The following GRIA1 variants were observed in gnomAD, a reference collection of about 807,000 sequenced individuals.
GRIA1 encodes the protein glutamate receptor 1.
A neutral mutation model predicts 99.2 loss-of-function variants in GRIA1; 31 were observed. The ratio of observed to expected loss-of-function variants is 0.31; its 90% CI spans 0.23 to 0.42. The LOEUF is 0.42. GRIA1 is among the 10% of genes least tolerant of loss of function. The pLI is 1.00. For missense variants in GRIA1, 782 were observed against 1,157.5 expected (o/e 0.68, Z 4.71); for synonymous variants, 438 against 432.4 (o/e 1.01, Z -0.16).
rs186869159 is a variant in GRIA1 at position 153,730,142 on chromosome 5, G to A, written c.1823+24075G>A. Among the ~76,000 whole-genome samples the A allele has an allele frequency of 2.1e-3, 315 of 152,126 alleles. 1 individual carries two copies. The highest frequency in any genetic ancestry group is 3.7e-3 in the Non-Finnish European group (251 of 67,986). ...ATTTATTGTGTATTTAAATTACCTAGGGATCTTGTTAAAATGCAGATTCTA... is the reference window on the plus strand; with the variant it reads ...ATTTATTGTGTATTTAAATTACCTAAGGATCTTGTTAAAATGCAGATTCTA... On this transcript the variant is annotated intron_variant, in intron 11 of 15. Coordinates refer to ENST00000285900, the MANE Select transcript of GRIA1 (RefSeq NM_000827.4).
At chr5:153,648,342 G>A (rs1397609779) in intron 3 of GRIA1, among the ~76,000 whole-genome samples, 1 of 152,124 alleles carries the variant, frequency 6.6e-6, no homozygotes, top group Admixed American at 6.5e-5. Context: ...GTAGCTGGAG[G>A]CCTGGAAGTA....
chr5:153,679,213 G>A (rs891994609), intron 7 of GRIA1, among the ~76,000 whole-genome samples: 17 of 152,282 alleles, frequency 1.1e-4, no homozygotes, highest in Admixed American at 9.2e-4. Flanking sequence ...AAGAAAGCAA[G>A]GCCTGCGCTC....
At chr5:153,587,782 A>C (rs1307215005) in intron 2 of GRIA1, among the ~76,000 whole-genome samples, 1 of 152,236 alleles carries the variant, frequency 6.6e-6, no homozygotes, top group East Asian at 1.9e-4. Context: ...CCAAAAGCAG[A>C]CATGACTCCT....
At chr5:153,768,557 C>T (rs1362656894) in intron 12 of GRIA1, among the ~76,000 whole-genome samples, 1 of 152,106 alleles carries the variant, frequency 6.6e-6, no homozygotes, top group African/African-American at 2.4e-5. Context: ...GTTTTAATAG[C>T]AACTATTTCC....
intron 2 of GRIA1, among the ~76,000 whole-genome samples, chr5:153,542,479 G>C (rs1210606010): frequency 6.6e-6 from 1 of 152,198 alleles, no homozygotes; most frequent in Non-Finnish European, 1.5e-5. Flanking sequence ...CATGAGAATG[G>C]CTTGACAGCA....
At chr5:153,583,130 G>A (rs572985655) in intron 2 of GRIA1, among the ~76,000 whole-genome samples, 1 of 151,714 alleles carries the variant, frequency 6.6e-6, no homozygotes, top group South Asian at 2.1e-4. Flanking sequence ...ATGGGGCTTC[G>A]CCATGTTGCC....
rs528967394 is a variant in GRIA1 at position 153,545,422 on chromosome 5, G to A, written c.220+51357G>A. On this transcript the variant is annotated intron_variant, in intron 2 of 15. Transcript: ENST00000285900. The stretch of plus-strand genomic sequence containing the variant: ...TCTTCAGGGACTGGGGGGAAGTTTG[G>A]GTATCTTTAAGATGGCATGGCAGTC... 3.3e-5 allele frequency among the ~76,000 whole-genome samples: 5 copies of A among 152,170 alleles called. No individual in the cohort carries two copies. The South Asian group carries it at 1.0e-3, about 32-fold the overall frequency.
intron 13 of GRIA1, among the ~76,000 whole-genome samples, chr5:153,778,587 G>A (rs1764424444): frequency 6.6e-6 from 1 of 151,568 alleles, no homozygotes; most frequent in Non-Finnish European, 1.5e-5. Context: ...AAGATGTAAG[G>A]AGGGAAATTA....
At position 153,754,956 on chromosome 5, in the gene GRIA1, C is replaced by T. The variant is rs540160984; in HGVS notation, c.1824-9478C>T. Among the ~76,000 whole-genome samples the T allele has an allele frequency of 2.8e-4, 43 of 152,154 alleles. 1 individual carries two copies. Among genetic ancestry groups the T allele is most frequent in the African/African-American group, 8.0e-4 (33 of 41,494 alleles). On this transcript the variant is annotated intron_variant, in intron 11 of 15. Coordinates refer to ENST00000285900, the MANE Select transcript of GRIA1 (RefSeq NM_000827.4). ...GAGCTACATGAGGCTCTGAGTCTTA[C>T]GGCTGAATACTAAAAATGTAATGAT...
At chr5:153,667,303 C>G (rs1041635802) in intron 5 of GRIA1, among the ~76,000 whole-genome samples, 4 of 152,200 alleles carry the variant, frequency 2.6e-5, no homozygotes, top group African/African-American at 9.6e-5. Context: ...GTGGTGTCAG[C>G]ACAGGCAGGA....
intron 14 of GRIA1, among the ~76,000 whole-genome samples, chr5:153,801,371 G>A (rs1426200956): frequency 6.8e-6 from 1 of 147,640 alleles, no homozygotes; most frequent in African/African-American, 2.6e-5. Context: ...CACTTGGGAA[G>A]GTGTTGTCCC....
intron 2 of GRIA1, among the ~76,000 whole-genome samples, chr5:153,548,407 C>T (rs187426653): frequency 2.5e-4 from 38 of 152,228 alleles, no homozygotes; most frequent in East Asian, 9.7e-4. Flanking sequence ...GTCTGCAAGG[C>T]GAATGGTGTT....
intron 2 of GRIA1, among the ~76,000 whole-genome samples, chr5:153,607,965 G>C (rs888557072): frequency 1.3e-5 from 2 of 151,862 alleles, no homozygotes; most frequent in African/African-American, 4.8e-5. Flanking sequence ...GTCTGTTGTT[G>C]ACAATTTTTT....
intron 2 of GRIA1, among the ~76,000 whole-genome samples, chr5:153,514,744 G>A (rs1253595424): frequency 6.6e-6 from 1 of 152,102 alleles, no homozygotes; most frequent in East Asian, 1.9e-4. Context: ...AATTTTGACA[G>A]AGATTGCATT....
intron 13 of GRIA1, among the ~76,000 whole-genome samples, chr5:153,781,848 T>A (rs1218870564): frequency 6.6e-6 from 1 of 152,140 alleles, no homozygotes; most frequent in African/African-American, 2.4e-5. Context: ...AAGTCAGTAC[T>A]CTTAAGGGAA....
chr5:153,526,153 A>T (rs1440447339), intron 2 of GRIA1, among the ~76,000 whole-genome samples: 1 of 152,168 alleles, frequency 6.6e-6, no homozygotes, highest in Non-Finnish European at 1.5e-5. Flanking sequence ...TTCTGCCCTG[A>T]TTACATTAAT....
At chr5:153,782,520 C>CT (rs1239994304) in intron 13 of GRIA1, among the ~76,000 whole-genome samples, 1 of 152,058 alleles carries the variant, frequency 6.6e-6, no homozygotes, top group Non-Finnish European at 1.5e-5. Flanking sequence ...AACTATACAA[C>CT]TTTTTTAGTA....
intron 11 of GRIA1, among the ~76,000 whole-genome samples, chr5:153,729,724 A>C (rs1384666607): frequency 1.3e-5 from 2 of 152,172 alleles, no homozygotes; most frequent in Non-Finnish European, 2.9e-5. Context: ...GCATCAAGAC[A>C]AAAACCCCCA....
chr5:153,686,073 G>A (rs1414105284), intron 7 of GRIA1, 152 bp from the exon 8 acceptor site: 4 of 648,784 alleles, frequency 6.2e-6, no homozygotes, highest in Non-Finnish European at 8.4e-6. Context: ...CCTTGCCTGT[G>A]GCAAGGGAGT....
Sources: gnomAD v4.1 joint callset for allele counts (sites outside exome capture counted in the v4.1 genomes callset) on GRCh38, gnomAD v4.1.1 for gene constraint, MANE v1.5 for transcripts, NCBI Gene and HGNC (gene_info 2026-07-23, HGNC 2026-07-21) for gene names.